SFI1: variants seen among roughly 807,000 people sequenced by gnomAD.
SFI1 encodes the protein SFI1 centrin binding protein.
In SFI1, 195 loss-of-function variants were observed where a neutral mutation model predicts 207.5. That is an observed-to-expected ratio of 0.94 (90% CI 0.84 to 1.06). The LOEUF is 1.06. Ranked by LOEUF, SFI1 falls within the 50% of genes least tolerant of loss-of-function variation. The probability of loss-of-function intolerance (pLI) is 0.00; values close to 1 mark genes in which losing one functional copy is unlikely to be tolerated. For synonymous variants in SFI1, 630 were observed against 598.9 expected (o/e 1.05, Z -0.76); for missense variants, 1,634 against 1,588.0 (o/e 1.03, Z -0.49).
chr22:31,599,832 A>G (rs1359992760), intron 15 of SFI1, among the ~76,000 whole-genome samples: 3 of 152,044 alleles, frequency 2.0e-5, no homozygotes, highest in South Asian at 2.1e-4. Flanking sequence ...CATGAAAACA[A>G]TAAAATTCTA....
chr22:31,591,813 G>T (rs2065998845), intron 15 of SFI1, among the ~76,000 whole-genome samples: 1 of 79,344 alleles, frequency 1.3e-5, no homozygotes, highest in Non-Finnish European at 2.4e-5. Context: ...GGGGCGGCTG[G>T]CCGGGCAGAG....
intron 4 of SFI1, among the ~76,000 whole-genome samples, chr22:31,544,019 T>A (rs1177713217): frequency 1.3e-5 from 2 of 151,932 alleles, no homozygotes; most frequent in Non-Finnish European, 2.9e-5. Flanking sequence ...CGAAAACCCG[T>A]CTCTACTGAA....
chr22:31,547,501 G>C (rs1474790605), intron 5 of SFI1, among the ~76,000 whole-genome samples: 1 of 151,846 alleles, frequency 6.6e-6, no homozygotes, highest in Non-Finnish European at 1.5e-5. Context: ...AGTAGAGACA[G>C]GGTTATTTCA....
chr22:31,598,715 C>T (rs138608854), intron 15 of SFI1, among the ~76,000 whole-genome samples: 1 of 2,102 alleles, frequency 4.8e-4, no homozygotes, highest in African/African-American at 9.2e-4. Flanking sequence ...CTGCGCCTGG[C>T]CTTTTTTTTT....
At chr22:31,600,225 CTT>C (rs147040765) in intron 15 of SFI1, among the ~76,000 whole-genome samples, 3,622 of 152,258 alleles carry the variant, frequency 0.024, 125 homozygotes, top group African/African-American at 0.082. Context: ...AATCAGTACT[CTT>C]TTTATAAATT....
At position 31,584,108 on chromosome 22, in the gene SFI1, G is replaced by A. The variant is rs2064706901; in HGVS notation, c.1346+136G>A. On this transcript the variant is annotated intron_variant, in intron 13 of 32. Coordinates refer to ENST00000400288, the MANE Select transcript of SFI1 (RefSeq NM_001007467.3). ...GGCCTGCTGGGGTGGAGGTCCTGCT[G>A]TAAACCATTTGTTCCTGACTTTGGG... 1.1e-5 allele frequency: 8 copies of A among 721,150 alleles called. 1 individual carries two copies. The highest frequency in any genetic ancestry group is 7.7e-5 in the East Asian group (3 of 38,768). 44.7% of individuals were successfully genotyped at this position (721,150 alleles called of 1,614,324 possible).
chr22:31,529,011 G>C, intron 3 of SFI1, 148 bp downstream of exon 3: 1 of 707,924 alleles, frequency 1.4e-6, no homozygotes, highest in Non-Finnish European at 2.2e-6. Flanking sequence ...CAGATGAAAA[G>C]GATATTCAGG....
chr22:31,542,959 A>C (rs1399456642), intron 4 of SFI1, among the ~76,000 whole-genome samples: 6 of 140,004 alleles, frequency 4.3e-5, no homozygotes, highest in Non-Finnish European at 6.1e-5. Flanking sequence ...ACTGTGCCTG[A>C]CTTAATTTTT....
At chr22:31,501,139 A>G (rs1428200465) in intron 1 of SFI1, among the ~76,000 whole-genome samples, 5 of 149,194 alleles carry the variant, frequency 3.4e-5, no homozygotes, top group African/African-American at 9.9e-5. Context: ...TTTTTAGACA[A>G]TGCTATTGCA....
At chr22:31,534,874 CT>C (rs762234189) in intron 4 of SFI1, among the ~76,000 whole-genome samples, 1,924 of 139,772 alleles carry the variant, frequency 0.014, 36 homozygotes, top group African/African-American at 0.044. Flanking sequence ...ACTTCAAATG[CT>C]TTTTTTTTTT....
chr22:31,558,484 T>A (rs564310016), intron 7 of SFI1, among the ~76,000 whole-genome samples: 3 of 152,040 alleles, frequency 2.0e-5, no homozygotes, highest in Admixed American at 6.6e-5. Flanking sequence ...TTTTTTTTTT[T>A]ATGAGATGGA....
intron 29 of SFI1, 151 bp downstream of exon 29, chr22:31,615,430 A>C (rs557484133): frequency 1.4e-5 from 9 of 647,924 alleles, no homozygotes; most frequent in South Asian, 1.3e-4. Context: ...GCCACTGCAC[A>C]CCAGGTCCAA....
At chr22:31,608,085 G>A in intron 22 of SFI1, 52 bp downstream of exon 22, 2 of 1,433,876 alleles carry the variant, frequency 1.4e-6, no homozygotes, top group Non-Finnish European at 2.0e-6. Flanking sequence ...AGACAGCGCT[G>A]TTGTGGAGAT....
Position 31,618,096 on chromosome 22 carries a change from G to T in SFI1, c.3513-19G>T. The T allele has an allele frequency of 6.4e-7, 1 of 1,555,654 alleles. No homozygotes were observed. Among genetic ancestry groups the T allele is most frequent in the South Asian group, 1.2e-5 (1 of 84,246 alleles). ...CCAAGGACCCAGCCTGGCAGGCAGT[G>T]GGTATCTCCACCCCTCAGGTCCTGT... On this transcript the variant is annotated intron_variant, in intron 31 of 32. Transcript: ENST00000400288.
intron 8 of SFI1, among the ~76,000 whole-genome samples, chr22:31,572,476 C>G (rs1050257167): frequency 1.3e-5 from 2 of 151,922 alleles, no homozygotes; most frequent in African/African-American, 4.8e-5. Flanking sequence ...TTATATCACC[C>G]CTCGGATTGT....
chr22:31,549,684 G>A (rs544806159), intron 5 of SFI1, among the ~76,000 whole-genome samples: 11 of 152,072 alleles, frequency 7.2e-5, no homozygotes, highest in African/African-American at 2.7e-4. Context: ...TGAATTTGTG[G>A]ATGATGAAAG....
intron 8 of SFI1, among the ~76,000 whole-genome samples, chr22:31,564,524 G>T (rs567185859): frequency 6.6e-6 from 1 of 151,608 alleles, no homozygotes; most frequent in Non-Finnish European, 1.5e-5. Context: ...ATTTTTTGGG[G>T]GACAGGATCT....
At chr22:31,508,533 A>C (rs957621557) in intron 2 of SFI1, among the ~76,000 whole-genome samples, 157 bp downstream of exon 2, 3 of 152,228 alleles carry the variant, frequency 2.0e-5, no homozygotes, top group Non-Finnish European at 2.9e-5. Flanking sequence ...TCTATAAGAT[A>C]ATACACATTT....
intron 9 of SFI1, among the ~76,000 whole-genome samples, chr22:31,574,037 C>A (rs1248759782): frequency 3.3e-5 from 5 of 152,096 alleles, no homozygotes; most frequent in African/African-American, 1.2e-4. Context: ...TTTTTGGATA[C>A]TGTTTATATG....
Sources: gnomAD v4.1 joint callset for allele counts (sites outside exome capture counted in the v4.1 genomes callset) on GRCh38, gnomAD v4.1.1 for gene constraint, MANE v1.5 for transcripts, NCBI Gene and HGNC (gene_info 2026-07-23, HGNC 2026-07-21) for gene names.